The following ATP1A3 variants were observed in gnomAD, a reference collection of about 807,000 sequenced individuals.
ATP1A3 encodes ATPase Na+/K+ transporting subunit alpha 3.
In ATP1A3, 12 loss-of-function variants were observed where a neutral mutation model predicts 108.8. That is an observed-to-expected ratio of 0.11 (90% confidence interval 0.07 to 0.18). The LOEUF (loss-of-function observed/expected upper bound fraction) is 0.18. Among genes scored for constraint, ATP1A3 ranks in the 10% least tolerant of loss-of-function variants. ATP1A3 has a pLI of 1.00. For missense variants in ATP1A3, 498 were observed against 1,387.7 expected (o/e 0.36, Z 10.19); for synonymous variants, 539 against 564.5 (o/e 0.95, Z 0.64).
At chr19:41,971,297 G>A (rs138362695) in intron 16 of ATP1A3, among the ~76,000 whole-genome samples, 152 of 151,966 alleles carry the variant, frequency 1.0e-3, no homozygotes, top group African/African-American at 3.5e-3. Context: ...CAACCACATC[G>A]CCTTTGTGGA....
Position 41,967,186 on chromosome 19 carries a change from G to A in ATP1A3, c.3013+63C>T. 2 of 1,610,916 alleles carry A rather than the reference G, an allele frequency of 1.2e-6. No homozygotes were observed. Among genetic ancestry groups the A allele is most frequent in the African/African-American group, 1.3e-5 (1 of 74,946 alleles). On this transcript the variant is annotated intron_variant, in intron 22 of 22. Coordinates refer to ENST00000648268, the MANE Select transcript of ATP1A3 (RefSeq NM_152296.5). This position sits in a 1 kb window ranked among gnomAD's most constrained non-coding sequence, Gnocchi z 4.2. Reference sequence around the variant, plus strand: ...ATCCAGCAGGGCGAGGGGAGCCTGGGACCAGCTGCCTGAGACCCTGCTGCC... The same window carrying A: ...ATCCAGCAGGGCGAGGGGAGCCTGGAACCAGCTGCCTGAGACCCTGCTGCC...
At chr19:41,990,343 T>TTC (rs1159229739) in intron 1 of ATP1A3, among the ~76,000 whole-genome samples, 1 of 131,136 alleles carries the variant, frequency 7.6e-6, no homozygotes, top group African/African-American at 2.9e-5. Context: ...CTCTTTCTCT[T>TTC]TCTCTCTCTC....
Position 41,975,499 on chromosome 19 carries a change from AG to A in ATP1A3, c.2263+129del. The A allele has an allele frequency of 3.0e-6, 4 of 1,353,370 alleles. No individual in the cohort carries two copies. In the South Asian group the frequency reaches 5.2e-5, roughly 18 times the overall value. The allele number at this position is 1,353,370 out of a possible 1,614,324, so 83.8% of individuals were successfully genotyped here. A position where few individuals can be genotyped will look rare whatever the true frequency, so the allele number is the denominator to read the frequency against. On this transcript the variant is annotated intron_variant, in intron 16 of 22. Coordinates refer to ENST00000648268, the MANE Select transcript of ATP1A3 (RefSeq NM_152296.5). ...GAGGAAGACAGAAAAGGACAGGCTC[AG>A]GCTCCTCCAGGGCCAGGGGGCCTGT...
chr19:41,980,014 C>T (rs1391526335), intron 11 of ATP1A3, among the ~76,000 whole-genome samples: 1 of 152,222 alleles, frequency 6.6e-6, no homozygotes, highest in African/African-American at 2.4e-5. Flanking sequence ...CCCCACCACG[C>T]TCCCTGGCTC....
Position 41,986,207 on chromosome 19 carries a change from G to A in ATP1A3, c.380C>T (p.Ala127Val), listed in dbSNP as rs2075284959. ...GCAGCCAGTGATGATCACCACGGCC[G>A]CCAGCACGATGCCCAGGTACAGCTG... ...GDNLYLGIVL[A>V]AVVIITGCFS... The change falls in exon 5 of 23, where the codon GCG (alanine) becomes GTG (valine). Residue 127 changes from alanine to valine, a missense_variant. Transcript: ENST00000648268. 3.1e-6 allele frequency: 5 copies of A among 1,613,930 alleles called. No individual in the cohort carries two copies. The highest frequency in any genetic ancestry group is 4.2e-6 in the Non-Finnish European group (5 of 1,179,962).
chr19:41,975,624 C>T lies in ATP1A3; in HGVS notation c.2263+5G>A. 6.2e-7 allele frequency: 1 copy of T among 1,613,996 alleles called. No homozygotes were observed. Among genetic ancestry groups the T allele is most frequent in the Non-Finnish European group, 8.5e-7 (1 of 1,179,970 alleles). ...GGTCTCCAGGGCCACCCCTGGCCAA[C>T]TCACCCTCCTCCACCCCTGTGACGA... On this transcript the variant is annotated splice_donor_5th_base_variant and intron_variant, in intron 16 of 22. Coordinates refer to ENST00000648268, the MANE Select transcript of ATP1A3 (RefSeq NM_152296.5).
At chr19:41,970,334 G>T in intron 17 of ATP1A3, 26 bp from the exon 18 acceptor site, 1 of 1,614,000 alleles carries the variant, frequency 6.2e-7, no homozygotes, top group Non-Finnish European at 8.5e-7. Context: ...CGGGTGAGCC[G>T]GAGAGGGGAG....
chr19:41,989,658 C>A (rs1748541038), intron 1 of ATP1A3, among the ~76,000 whole-genome samples: 1 of 152,158 alleles, frequency 6.6e-6, no homozygotes, highest in South Asian at 2.1e-4. Context: ...GTATCTCCAT[C>A]TCTTTCTCCT....
Position 41,967,170 on chromosome 19 carries a change from G to A in ATP1A3, c.3013+79C>T. ...ACCAGGTGGCAGAGCCATCCAGCAGGGCGAGGGGAGCCTGGGACCAGCTGC... is the reference window on the plus strand; with the variant it reads ...ACCAGGTGGCAGAGCCATCCAGCAGAGCGAGGGGAGCCTGGGACCAGCTGC... On this transcript the variant is annotated intron_variant, in intron 22 of 22. Transcript: ENST00000648268. The surrounding 1 kb of genome is among the most constrained non-coding windows in gnomAD (Gnocchi z 4.2). 6.2e-7 allele frequency: 1 copy of A among 1,603,172 alleles called. No homozygotes were observed. The highest frequency in any genetic ancestry group is 1.1e-5 in the South Asian group (1 of 89,736).
At chr19:41,971,379 G>A (rs1419879688) in intron 16 of ATP1A3, among the ~76,000 whole-genome samples, 29 of 152,044 alleles carry the variant, frequency 1.9e-4, no homozygotes, top group African/African-American at 4.1e-4. Context: ...CCCACCGACC[G>A]AGTAATCCGA....
At position 41,968,467 on chromosome 19, in the gene ATP1A3, C is replaced by T. The variant is rs2075068106; in HGVS notation, c.2819+318G>A. Among the ~76,000 whole-genome samples, 2 of 152,118 alleles carry T rather than the reference C, an allele frequency of 1.3e-5. No homozygotes were observed. Among genetic ancestry groups the T allele is most frequent in the Admixed American group, 6.5e-5 (1 of 15,268 alleles). The stretch of plus-strand genomic sequence containing the variant: ...GAGGTTGCAGTGAGCCAAGATTGTG[C>T]CACTGCACTCCAGCCTGGGCAACAG... On this transcript the variant is annotated intron_variant, in intron 20 of 22. Transcript: ENST00000648268. This position sits in a 1 kb window ranked among gnomAD's most constrained non-coding sequence, Gnocchi z 5.0.
intron 4 of ATP1A3, among the ~76,000 whole-genome samples, chr19:41,987,639 C>G (rs1343686542): frequency 6.6e-6 from 1 of 152,156 alleles, no homozygotes; most frequent in African/African-American, 2.4e-5. Flanking sequence ...CTCTGGGTAT[C>G]TGTCAAGCCA....
At position 41,969,082 on chromosome 19, in the gene ATP1A3, G is replaced by A. The variant is rs564540935; in HGVS notation, c.2689-167C>T. 3.9e-5 allele frequency among the ~76,000 whole-genome samples: 6 copies of A among 152,284 alleles called. No homozygotes were observed. In the South Asian group the frequency reaches 1.2e-3, roughly 32 times the overall value. On this transcript the variant is annotated intron_variant, in intron 19 of 22. Transcript: ENST00000648268. Reference sequence around the variant, plus strand: ...CTCATAGTCCCGAGGGAGGAGTCAGGAGACGTACAAGGAAGAAGAAAGGTT... The same window carrying A: ...CTCATAGTCCCGAGGGAGGAGTCAGAAGACGTACAAGGAAGAAGAAAGGTT...
chr19:41,985,723 G>T lies in ATP1A3; in HGVS notation c.606+141C>A. 2 of 1,303,000 alleles carry T rather than the reference G, an allele frequency of 1.5e-6. 1 individual carries two copies. The highest frequency in any genetic ancestry group is 3.0e-5 in the African/African-American group (2 of 67,786). 80.7% of individuals were successfully genotyped at this position (1,303,000 alleles called of 1,614,324 possible). A position where few individuals can be genotyped will look rare whatever the true frequency, so the allele number is the denominator to read the frequency against. Reference sequence around the variant, plus strand: ...GCCTAAACTCCTGGGTCTGAGGGAGGAGGGCCTGGGGGCCTGGACTCCTGG... The same window carrying T: ...GCCTAAACTCCTGGGTCTGAGGGAGTAGGGCCTGGGGGCCTGGACTCCTGG... On this transcript the variant is annotated intron_variant, in intron 6 of 22. Coordinates refer to ENST00000648268, the MANE Select transcript of ATP1A3 (RefSeq NM_152296.5). This position sits in a 1 kb window ranked among gnomAD's most constrained non-coding sequence, Gnocchi z 8.2.
At chr19:41,972,695 G>A (rs757438886) in intron 16 of ATP1A3, among the ~76,000 whole-genome samples, 20 of 151,178 alleles carry the variant, frequency 1.3e-4, no homozygotes, top group Non-Finnish European at 2.4e-4. Context: ...AAGCTGGGAG[G>A]TGGAGGTTGC....
Position 41,968,778 on chromosome 19 carries a change from C to T in ATP1A3, c.2819+7G>A. The T allele has an allele frequency of 6.2e-7, 1 of 1,613,884 alleles. No individual in the cohort carries two copies. Among genetic ancestry groups the T allele is most frequent in the Non-Finnish European group, 8.5e-7 (1 of 1,179,794 alleles). Reference sequence around the variant, plus strand: ...CTGTCCAGTCACCATGTGCCCCCGGCCCTCACTTCATGCCCTGCTGGAAGA... The same window carrying T: ...CTGTCCAGTCACCATGTGCCCCCGGTCCTCACTTCATGCCCTGCTGGAAGA... On this transcript the variant is annotated splice_region_variant and intron_variant, in intron 20 of 22. Coordinates refer to ENST00000648268, the MANE Select transcript of ATP1A3 (RefSeq NM_152296.5). The surrounding 1 kb of genome is among the most constrained non-coding windows in gnomAD (Gnocchi z 5.0).
rs781831563 is a variant in ATP1A3, at chr19:41,985,107, C to T, written c.804G>A (p.Glu268=). The T allele has an allele frequency of 3.7e-6, 6 of 1,613,924 alleles. No individual in the cohort carries two copies. Among genetic ancestry groups the T allele is most frequent in the South Asian group, 2.2e-5 (2 of 91,052 alleles). Reference sequence around the variant, plus strand: ...CGATGGCGATGGGCGTCTTGCCCACCTCCAGCCCTGATGCCAGGGTGGCGA... The same window carrying T: ...CGATGGCGATGGGCGTCTTGCCCACTTCCAGCCCTGATGCCAGGGTGGCGA... ...GRIATLASGL[E]VGKTPIAIEI... is the part of the protein sequence containing the mutation. Residue 268 remains glutamate, a synonymous_variant, in exon 8 of 23, where the codon GAG becomes GAA. Coordinates refer to ENST00000648268, the MANE Select transcript of ATP1A3 (RefSeq NM_152296.5). This position sits in a 1 kb window ranked among gnomAD's most constrained non-coding sequence, Gnocchi z 8.2.
Position 41,985,217 on chromosome 19 carries a change from G to A in ATP1A3, c.725-31C>T, listed in dbSNP as rs782016932. On this transcript the variant is annotated intron_variant, in intron 7 of 22. Transcript: ENST00000648268. The surrounding 1 kb of genome is among the most constrained non-coding windows in gnomAD (Gnocchi z 8.2). ...GGCCAGAGGGGTTAGGCTGAGGTGG[G>A]GTGGCTCAGGGAGGTTCTGGAGGCC... The A allele has an allele frequency of 3.1e-6, 5 of 1,613,770 alleles. No individual in the cohort carries two copies. The African/African-American group carries it at 5.3e-5, about 17-fold the overall frequency.
At chr19:41,984,714 A>G in intron 8 of ATP1A3, 1 of 605,976 alleles carries the variant, frequency 1.7e-6, no homozygotes, top group Non-Finnish European at 2.8e-6. Context: ...GTCTTTCACA[A>G]GAATACTGTG....
Sources: gnomAD v4.1 joint callset for allele counts (sites outside exome capture counted in the v4.1 genomes callset) on GRCh38, gnomAD v4.1.1 for gene constraint, Gnocchi (gnomAD v3.1) non-coding constraint, MANE v1.5 for transcripts, NCBI Gene and HGNC (gene_info 2026-07-23, HGNC 2026-07-21) for gene names.